Variants in SENP7 observed in about 807,000 individuals in gnomAD.
SENP7 encodes the protein SUMO specific peptidase 7.
A neutral mutation model predicts 141.2 loss-of-function variants in SENP7; 64 were observed. The observed-to-expected ratio is 0.45, with a 90% confidence interval of 0.37 to 0.56. SENP7 has a LOEUF of 0.56. Among genes scored for constraint, SENP7 ranks in the 20% least tolerant of loss-of-function variants. SENP7 has a pLI of 0.00. For missense variants in SENP7, 1,025 were observed against 1,212.2 expected (o/e 0.85, Z 2.29); for synonymous variants, 382 against 426.4 (o/e 0.90, Z 1.28).
chr3:101,493,870 C>T lies in SENP7; in HGVS notation c.186+3G>A. On this transcript the variant is annotated splice_donor_region_variant and intron_variant, in intron 3 of 23. Coordinates refer to ENST00000394095, the MANE Select transcript of SENP7 (RefSeq NM_020654.5). ...CTTAAAATAAATTAATTTTATTTAC[C>T]ACCTGCAAAGGGAGAGTCCAGCGTT... The T allele has an allele frequency of 1.3e-6, 2 of 1,535,582 alleles. No homozygotes were observed. The highest frequency in any genetic ancestry group is 2.3e-5 in the East Asian group (1 of 44,348).
At chr3:101,392,425 AT>A (rs2060842225) in intron 6 of SENP7, among the ~76,000 whole-genome samples, 1 of 152,234 alleles carries the variant, frequency 6.6e-6, no homozygotes, top group South Asian at 2.1e-4. Context: ...TGGAAAAAAA[AT>A]AAAGTAATTC....
At chr3:101,403,761 A>C (rs2061220010) in intron 5 of SENP7, among the ~76,000 whole-genome samples, 1 of 152,216 alleles carries the variant, frequency 6.6e-6, no homozygotes, top group Non-Finnish European at 1.5e-5. Flanking sequence ...AATCACTAGC[A>C]TTCCTATATA....
chr3:101,344,515 A>G (rs1030667360), intron 13 of SENP7, among the ~76,000 whole-genome samples: 1 of 152,318 alleles, frequency 6.6e-6, no homozygotes, highest in South Asian at 2.1e-4. Context: ...ACTACTTAAC[A>G]TCTTTACTGT....
chr3:101,412,528 T>C (rs1023748803), intron 5 of SENP7, among the ~76,000 whole-genome samples: 1 of 152,098 alleles, frequency 6.6e-6, no homozygotes, highest in African/African-American at 2.4e-5. Context: ...TACCATCACA[T>C]ATCTGGAATA....
At chr3:101,512,373 T>A (rs2065896573) in intron 1 of SENP7, among the ~76,000 whole-genome samples, 1 of 152,222 alleles carries the variant, frequency 6.6e-6, no homozygotes, top group Non-Finnish European at 1.5e-5. Flanking sequence ...CTCCACTTTC[T>A]TGTTTCCAAG....
In SENP7 at chr3:101,340,186, T is replaced by C. The variant is rs758250523; in HGVS notation, c.2266A>G (p.Thr756Ala). The C allele has an allele frequency of 6.3e-7, 1 of 1,599,938 alleles. No homozygotes were observed. The highest frequency in any genetic ancestry group is 2.3e-5 in the East Asian group (1 of 44,436). Residue 756 changes from threonine (T) to alanine (A), a missense_variant, in exon 16 of 24, where the codon ACT (threonine) becomes GCT (alanine). By Grantham distance (58) the Thr-to-Ala change is moderately conservative. This residue lies in a region of SENP7 where 295 missense variants were observed against 459.1 expected (regional missense o/e 0.64). Coordinates refer to ENST00000394095, the MANE Select transcript of SENP7 (RefSeq NM_020654.5). ...TTAGTTACTCCTAATCCCCCCTTAG[T>C]AGGTGGTGGAGGATATACAATCAAC... ...QKLIVYPPPP[T>A]KGGLGVTNED...
At chr3:101,326,193 T>C (rs888480591) in intron 23 of SENP7, 113 bp from the exon 24 acceptor site, 1 of 819,942 alleles carries the variant, frequency 1.2e-6, no homozygotes, top group East Asian at 2.9e-5. Context: ...ATAACAATTA[T>C]ATTAAGATAT....
At chr3:101,464,422 C>T (rs1195308634) in intron 3 of SENP7, among the ~76,000 whole-genome samples, 2 of 152,100 alleles carry the variant, frequency 1.3e-5, no homozygotes, top group Non-Finnish European at 2.9e-5. Context: ...ACAGCCACTC[C>T]CCATTACTCA....
At chr3:101,440,581 T>TAA (rs58673443) in intron 4 of SENP7, among the ~76,000 whole-genome samples, 1,497 of 124,888 alleles carry the variant, frequency 0.012, 37 homozygotes, top group African/African-American at 0.042. Flanking sequence ...AAAAATAAAT[T>TAA]AAAAAAAAAA....
chr3:101,328,772 A>T, intron 20 of SENP7, 83 bp from the exon 21 acceptor site: 1 of 1,052,014 alleles, frequency 9.5e-7, no homozygotes, highest in Non-Finnish European at 1.4e-6. Flanking sequence ...AAGTGTTTCA[A>T]ACTTTGAAGT....
chr3:101,469,052 C>CTTTCCT (rs1401189976), intron 3 of SENP7, among the ~76,000 whole-genome samples: 1 of 152,022 alleles, frequency 6.6e-6, no homozygotes, highest in Non-Finnish European at 1.5e-5. Context: ...AAAAAAAAAG[C>CTTTCCT]AGGGGTTGCA....
At chr3:101,502,534 G>A (rs1438677973) in intron 1 of SENP7, among the ~76,000 whole-genome samples, 1 of 151,966 alleles carries the variant, frequency 6.6e-6, no homozygotes, top group Non-Finnish European at 1.5e-5. Context: ...GACCTCAGGT[G>A]ATCCACCCAC....
chr3:101,502,878 T>G (rs2065445967), intron 1 of SENP7, among the ~76,000 whole-genome samples: 1 of 150,522 alleles, frequency 6.6e-6, no homozygotes, highest in African/African-American at 2.5e-5. Context: ...ACTGCAACAC[T>G]GCATTCCAGC....
chr3:101,394,292 T>C (rs1449200847), intron 6 of SENP7, among the ~76,000 whole-genome samples: 4 of 152,200 alleles, frequency 2.6e-5, no homozygotes, highest in Non-Finnish European at 5.9e-5. Flanking sequence ...TTCTTTTTTA[T>C]GGCTGAATGG....
rs1347211188 is a variant in SENP7, at chr3:101,328,525, G to A, written c.2817C>T (p.Asp939=). The A allele has an allele frequency of 6.2e-7, 1 of 1,612,510 alleles. No individual in the cohort carries two copies. The highest frequency in any genetic ancestry group is 1.3e-5 in the African/African-American group (1 of 74,924). ...MCKRPCILIL[D]SLKAASVQNT... is the part of the protein sequence containing the mutation. ...TTTGTACAGAAGCAGCTTTCAAGGA[G>A]TCTAGTATAAGAATACATGGCCTAT... The change falls in exon 22 of 24, where the codon GAC becomes GAT. Residue 939 remains aspartate, a synonymous_variant. Transcript: ENST00000394095.
At chr3:101,395,738 G>C (rs920392431) in intron 6 of SENP7, among the ~76,000 whole-genome samples, 9 of 152,186 alleles carry the variant, frequency 5.9e-5, no homozygotes, top group Non-Finnish European at 1.3e-4. Flanking sequence ...GGCTAACAAA[G>C]CCATAACAAT....
chr3:101,403,863 C>T (rs1309390761), intron 5 of SENP7, among the ~76,000 whole-genome samples: 1 of 152,098 alleles, frequency 6.6e-6, no homozygotes, highest in African/African-American at 2.4e-5. Context: ...TACAGCTAAC[C>T]AGGGAGGTGA....
chr3:101,384,733 G>A (rs1559750741), intron 6 of SENP7, among the ~76,000 whole-genome samples: 1 of 152,208 alleles, frequency 6.6e-6, no homozygotes, highest in Admixed American at 6.5e-5. Context: ...CAGCCTGCCA[G>A]GCCAAGTGGG....
At chr3:101,375,737 G>GA in intron 6 of SENP7, among the ~76,000 whole-genome samples, 1 of 152,044 alleles carries the variant, frequency 6.6e-6, no homozygotes, top group South Asian at 2.1e-4. Flanking sequence ...ATCAAGAAAT[G>GA]AAAAGAAAAA....
Sources: gnomAD v4.1 joint callset for allele counts (sites outside exome capture counted in the v4.1 genomes callset) on GRCh38, gnomAD v4.1.1 for gene constraint, gnomAD v4.1.1 regional missense constraint, MANE v1.5 for transcripts, NCBI Gene and HGNC (gene_info 2026-07-23, HGNC 2026-07-21) for gene names.